The following ZNF718 variants were observed in gnomAD, a reference collection of about 807,000 sequenced individuals.
The protein encoded by ZNF718 is zinc finger protein 718.
In ZNF718, 3 loss-of-function variants were observed where a neutral mutation model predicts 2.6. That is an observed-to-expected ratio of 1.16 (90% CI 0.53 to 3.01). ZNF718 has a LOEUF of 3.01. Ranked by LOEUF, ZNF718 falls within the 30% of genes most tolerant of loss-of-function variation. The probability of loss-of-function intolerance (pLI) is 0.03; values close to 1 mark genes in which losing one functional copy is unlikely to be tolerated. For missense variants in ZNF718, 468 were observed against 230.0 expected (o/e 2.03, Z -6.69); for synonymous variants, 135 against 77.9 (o/e 1.73, Z -3.86).
chr4:170,745 C>CAAG (rs1717206812), intron 3 of ZNF718, among the ~76,000 whole-genome samples: 1 of 152,002 alleles, frequency 6.6e-6, no homozygotes, highest in Admixed American at 6.6e-5. Context: ...GTTAGCCATT[C>CAAG]GTCTAATTTT....
intron 3 of ZNF718, among the ~76,000 whole-genome samples, chr4:192,698 G>T (rs1717716844): frequency 6.6e-6 from 1 of 152,208 alleles, no homozygotes; most frequent in Non-Finnish European, 1.5e-5. Flanking sequence ...CAGAGCAGGG[G>T]CTAGCAGGCC....
At chr4:194,620 A>G (rs1158353000) in intron 3 of ZNF718, among the ~76,000 whole-genome samples, 3 of 152,222 alleles carry the variant, frequency 2.0e-5, no homozygotes, top group African/African-American at 7.2e-5. Context: ...GTAGCATTAT[A>G]TCTCTCCATG....
chr4:174,178 C>T (rs1408655613), intron 3 of ZNF718, among the ~76,000 whole-genome samples: 1 of 152,148 alleles, frequency 6.6e-6, no homozygotes, highest in African/African-American at 2.4e-5. Flanking sequence ...CGAAGCTTTG[C>T]AAAACCTCCC....
At chr4:159,826 T>TAGGG (rs1467076210) in intron 3 of ZNF718, among the ~76,000 whole-genome samples, 1 of 152,178 alleles carries the variant, frequency 6.6e-6, no homozygotes, top group African/African-American at 2.4e-5. Context: ...GTTGCCCTAG[T>TAGGG]ATTTTGCCTA....
intron 3 of ZNF718, among the ~76,000 whole-genome samples, chr4:142,836 C>G (rs559705777): frequency 1.3e-5 from 2 of 152,194 alleles, no homozygotes; most frequent in Non-Finnish European, 2.9e-5. Context: ...AACTCTTTAT[C>G]TGGCTCATTC....
At position 150,470 on chromosome 4, in the gene ZNF718, T is replaced by C. The variant is rs117264393; in HGVS notation, c.227-10442T>C. Reference sequence around the variant, plus strand: ...CAGTGCATGAAGCCTTATCATTTATTGTTAGATTTCATATATGTGTAAGAT... The same window carrying C: ...CAGTGCATGAAGCCTTATCATTTATCGTTAGATTTCATATATGTGTAAGAT... On this transcript the variant is annotated intron_variant, in intron 3 of 3. Coordinates refer to ENST00000510175, the MANE Select transcript of ZNF718 (RefSeq NM_001039127.6). 8.5e-5 allele frequency among the ~76,000 whole-genome samples: 13 copies of C among 152,278 alleles called. No individual in the cohort carries two copies. The East Asian group carries it at 2.5e-3, about 29-fold the overall frequency.
At position 178,563 on chromosome 4, in the gene ZNF718, TTG is replaced by T. The variant is rs371078354; in HGVS notation, c.227-22512_227-22511del. On this transcript the variant is annotated intron_variant and NMD_transcript_variant, in intron 3 of 4. Coordinates refer to the ZNF718 transcript ENST00000642529. Reference sequence around the variant, plus strand: ...GCATCCTTGACAACATTGATTCCTTTTGTGTGTTGAATAGTGGCCATGCTAAT... The same window carrying T: ...GCATCCTTGACAACATTGATTCCTTTTGTGTTGAATAGTGGCCATGCTAAT... Among the ~76,000 whole-genome samples the T allele has an allele frequency of 3.0e-3, 464 of 152,282 alleles. 1 individual carries two copies. The highest frequency in any genetic ancestry group is 0.011 in the African/African-American group (445 of 41,562).
intron 3 of ZNF718, among the ~76,000 whole-genome samples, chr4:143,722 T>C (rs1270731698): frequency 6.6e-6 from 1 of 152,140 alleles, no homozygotes; most frequent in Non-Finnish European, 1.5e-5. Context: ...TGCTCTTGCC[T>C]AGAGACCATC....
downstream of ZNF718, among the ~76,000 whole-genome samples, chr4:166,793 C>T (rs1219665580): frequency 6.6e-6 from 1 of 152,038 alleles, no homozygotes; most frequent in African/African-American, 2.4e-5. Context: ...TTCTCCCATT[C>T]TGTAGGTTGC....
chr4:152,896 AT>A (rs1434692777), intron 3 of ZNF718, among the ~76,000 whole-genome samples: 1 of 144,524 alleles, frequency 6.9e-6, no homozygotes, highest in African/African-American at 2.4e-5. Context: ...CTCTGTTGGG[AT>A]TTTTTTGCTA....
intron 3 of ZNF718, among the ~76,000 whole-genome samples, chr4:195,365 G>GT (rs1357000507): frequency 7.2e-5 from 11 of 152,098 alleles, no homozygotes; most frequent in Admixed American, 2.0e-4. Context: ...ACACATTGTG[G>GT]TTTTTTTTCT....
At chr4:182,825 C>T (rs1194501567) in intron 3 of ZNF718, among the ~76,000 whole-genome samples, 1 of 152,102 alleles carries the variant, frequency 6.6e-6, no homozygotes, top group Non-Finnish European at 1.5e-5. Context: ...TGTTAATATC[C>T]TTTGCCCACT....
At chr4:188,624 G>A (rs1472142685) in intron 3 of ZNF718, among the ~76,000 whole-genome samples, 1 of 152,154 alleles carries the variant, frequency 6.6e-6, no homozygotes, top group Non-Finnish European at 1.5e-5. Context: ...AAAGCTCCTG[G>A]GTCTCTGTGT....
chr4:161,325 C>G lies in ZNF718; in HGVS notation c.640C>G (p.Leu214Val), dbSNP rs1553815049. ...CGKAFNWSSILTKHKRIHARE... is the reference protein window; with the variant it reads ...CGKAFNWSSIVTKHKRIHARE... ...CAAAGCCTTTAATTGGTCCTCAATT[C>G]TTACTAAACATAAGAGAATTCATGC... Residue 214 changes from leucine to valine, a missense_variant, in exon 4 of 4, where the codon CTT becomes GTT. Coordinates refer to ENST00000510175, the MANE Select transcript of ZNF718 (RefSeq NM_001039127.6). The G allele has an allele frequency of 2.6e-6, 2 of 780,622 alleles. No homozygotes were observed. The highest frequency in any genetic ancestry group is 1.7e-5 in the African/African-American group (1 of 59,074). The allele number at this position is 780,622 out of a possible 1,614,324, so 48.4% of individuals were successfully genotyped here.
In ZNF718 at chr4:124,511, T is replaced by G; in HGVS notation, c.-160T>G. 1 of 1,023,612 alleles carries G rather than the reference T, an allele frequency of 9.8e-7. No homozygotes were observed. Among genetic ancestry groups the G allele is most frequent in the Non-Finnish European group, 1.5e-6 (1 of 673,310 alleles). 63.4% of individuals were successfully genotyped at this position (1,023,612 alleles called of 1,614,324 possible). A position where few individuals can be genotyped will look rare whatever the true frequency, so the allele number is the denominator to read the frequency against. On this transcript the variant is annotated 5_prime_UTR_variant, in exon 1 of 4. Coordinates refer to ENST00000510175, the MANE Select transcript of ZNF718 (RefSeq NM_001039127.6). The stretch of plus-strand genomic sequence containing the variant: ...TCCGGGATCTGGCGCGGCTTTTGCT[T>G]GTAGCTCCAGCCAGAGCTCGGTTAG...
At chr4:143,483 G>A (rs782501161) in intron 3 of ZNF718, among the ~76,000 whole-genome samples, 1 of 152,214 alleles carries the variant, frequency 6.6e-6, no homozygotes, top group African/African-American at 2.4e-5. Flanking sequence ...AGTGTGCACG[G>A]CCAAGGGGGA....
At chr4:183,286 A>G (rs1235343017) in intron 3 of ZNF718, among the ~76,000 whole-genome samples, 1 of 151,952 alleles carries the variant, frequency 6.6e-6, no homozygotes, top group Non-Finnish European at 1.5e-5. Flanking sequence ...TTTTTGTCAG[A>G]TTTGTTGAAG....
At chr4:175,760 G>A (rs1553818980) in intron 3 of ZNF718, among the ~76,000 whole-genome samples, 1 of 151,918 alleles carries the variant, frequency 6.6e-6, no homozygotes, top group Non-Finnish European at 1.5e-5. Flanking sequence ...ACCCCCTCCA[G>A]GGAAGAGTTA....
At chr4:170,717 C>T (rs1337997479) in intron 3 of ZNF718, among the ~76,000 whole-genome samples, 2 of 152,132 alleles carry the variant, frequency 1.3e-5, no homozygotes, top group Non-Finnish European at 2.9e-5. Context: ...TTAAGGACTT[C>T]TCTGCATTAT....
Sources: allele counts gnomAD v4.1 joint callset (sites outside exome capture counted in the v4.1 genomes callset), GRCh38; gene constraint gnomAD v4.1.1; transcripts MANE v1.5; gene names NCBI Gene and HGNC (gene_info 2026-07-23, HGNC 2026-07-21).